Variants in CNTNAP2 observed in about 807,000 individuals in gnomAD.
CNTNAP2 encodes contactin-associated protein-like 2.
A neutral mutation model predicts 155.2 loss-of-function variants in CNTNAP2; 98 were observed. The observed-to-expected ratio is 0.63, with a 90% CI of 0.54 to 0.75. CNTNAP2 has a LOEUF of 0.75. Ranked by LOEUF, CNTNAP2 falls within the 30% of genes least tolerant of loss-of-function variation. The pLI is 0.00. For synonymous variants in CNTNAP2, 651 were observed against 631.2 expected, an observed-to-expected ratio of 1.03 and a Z score of -0.47; for missense variants, 1,727 against 1,688.1, an observed-to-expected ratio of 1.02 and a Z score of -0.40.
chr7:146,850,396 G>C (rs1222599517), intron 3 of CNTNAP2, among the ~76,000 whole-genome samples: 1 of 152,166 alleles, frequency 6.6e-6, no homozygotes, highest in Non-Finnish European at 1.5e-5. Context: ...GAAGATGTCT[G>C]TGAAAACTCC....
At chr7:147,223,397 C>G (rs909723844) in intron 8 of CNTNAP2, among the ~76,000 whole-genome samples, 2 of 152,158 alleles carry the variant, frequency 1.3e-5, no homozygotes, top group Non-Finnish European at 2.9e-5. Context: ...CATGACAAAG[C>G]TGTCCCCCAA....
intron 13 of CNTNAP2, among the ~76,000 whole-genome samples, chr7:147,851,746 A>G (rs1487330025): frequency 7.9e-6 from 1 of 126,274 alleles, no homozygotes; most frequent in African/African-American, 3.0e-5. Flanking sequence ...AACATCACAC[A>G]CCAAGGCCTG....
At chr7:147,128,046 A>G (rs1801276222) in intron 6 of CNTNAP2, among the ~76,000 whole-genome samples, 1 of 152,038 alleles carries the variant, frequency 6.6e-6, no homozygotes, top group Admixed American at 6.6e-5. Flanking sequence ...AGTAAGTAGC[A>G]TTGTCTTATT....
intron 1 of CNTNAP2, among the ~76,000 whole-genome samples, chr7:146,721,022 T>TTC (rs1554472269): frequency 6.6e-5 from 8 of 120,432 alleles, no homozygotes; most frequent in African/African-American, 2.1e-4. Flanking sequence ...ACTCTATATA[T>TTC]TATATATACT....
chr7:146,380,858 C>G (rs1468271361), intron 1 of CNTNAP2, among the ~76,000 whole-genome samples: 1 of 125,968 alleles, frequency 7.9e-6, no homozygotes, highest in African/African-American at 3.1e-5. Context: ...AGTGCAGTGG[C>G]GCAATCTCGG....
At chr7:146,785,857 T>C (rs976734590) in intron 2 of CNTNAP2, among the ~76,000 whole-genome samples, 3 of 152,226 alleles carry the variant, frequency 2.0e-5, no homozygotes, top group Non-Finnish European at 2.9e-5. Flanking sequence ...TCTCAAGATA[T>C]TATTTCACAT....
At chr7:148,313,009 T>A (rs1797621995) in intron 21 of CNTNAP2, among the ~76,000 whole-genome samples, 1 of 151,704 alleles carries the variant, frequency 6.6e-6, no homozygotes, top group South Asian at 2.1e-4. Context: ...GATAATTTAG[T>A]TAAAGTGTCT....
chr7:147,604,658 G>A (rs1391684129), intron 12 of CNTNAP2, among the ~76,000 whole-genome samples: 2 of 152,128 alleles, frequency 1.3e-5, no homozygotes, highest in African/African-American at 4.8e-5. Context: ...GTTTTAGAAG[G>A]GGAGATGCCA....
intron 1 of CNTNAP2, among the ~76,000 whole-genome samples, chr7:146,747,670 A>T (rs1197837195): frequency 6.6e-6 from 1 of 152,178 alleles, no homozygotes; most frequent in East Asian, 1.9e-4. Context: ...TACTTAAAAC[A>T]TTAGTTAGGG....
intron 12 of CNTNAP2, among the ~76,000 whole-genome samples, chr7:147,597,983 C>G (rs890681185): frequency 2.0e-5 from 3 of 152,166 alleles, no homozygotes; most frequent in African/African-American, 7.2e-5. Context: ...GTCAGGCAAA[C>G]ACTGGGGTTG....
At chr7:147,053,076 T>A (rs1799500664) in intron 4 of CNTNAP2, among the ~76,000 whole-genome samples, 1 of 152,108 alleles carries the variant, frequency 6.6e-6, no homozygotes. Context: ...TTTGAGATAA[T>A]GACTTCCTGG....
intron 18 of CNTNAP2, among the ~76,000 whole-genome samples, chr7:148,202,979 C>T (rs764845048): frequency 6.6e-5 from 10 of 152,114 alleles, no homozygotes; most frequent in Non-Finnish European, 1.3e-4. Flanking sequence ...TTGATGACAA[C>T]CTCATTTTCA....
chr7:147,221,015 C>A (rs1304846520), intron 8 of CNTNAP2, among the ~76,000 whole-genome samples: 1 of 151,964 alleles, frequency 6.6e-6, no homozygotes, highest in African/African-American at 2.4e-5. Flanking sequence ...CCTGGCCACA[C>A]TTCTTTTTAA....
At chr7:146,979,196 C>A (rs1797969468) in intron 3 of CNTNAP2, among the ~76,000 whole-genome samples, 1 of 152,116 alleles carries the variant, frequency 6.6e-6, no homozygotes, top group South Asian at 2.1e-4. Flanking sequence ...AAATGTTGCC[C>A]TGTGTATTTA....
At chr7:146,977,232 CA>C (rs1370998183) in intron 3 of CNTNAP2, among the ~76,000 whole-genome samples, 1 of 152,080 alleles carries the variant, frequency 6.6e-6, no homozygotes, top group African/African-American at 2.4e-5. Context: ...AATAATACTT[CA>C]ATCATTCTTC....
intron 1 of CNTNAP2, among the ~76,000 whole-genome samples, chr7:146,522,492 A>C (rs1797629504): frequency 6.6e-6 from 1 of 152,010 alleles, no homozygotes; most frequent in African/African-American, 2.4e-5. Context: ...AAATAGCAGA[A>C]ATGTTCTTTG....
At chr7:146,650,288 C>G (rs188162100) in intron 1 of CNTNAP2, among the ~76,000 whole-genome samples, 69 of 152,186 alleles carry the variant, frequency 4.5e-4, no homozygotes, top group Non-Finnish European at 8.1e-4. Flanking sequence ...AAGACTTGGA[C>G]CAACCCAAAT....
intron 3 of CNTNAP2, among the ~76,000 whole-genome samples, chr7:147,036,105 A>G (rs1042504689): frequency 8.5e-5 from 13 of 152,200 alleles, no homozygotes; most frequent in African/African-American, 3.1e-4. Context: ...AGCCCATGGG[A>G]CAAATCTTGT....
chr7:147,173,601 T>C (rs1584771386), intron 8 of CNTNAP2, among the ~76,000 whole-genome samples: 1 of 152,210 alleles, frequency 6.6e-6, no homozygotes, highest in Non-Finnish European at 1.5e-5. Flanking sequence ...TTTCGTCTAC[T>C]GACCCCCACT....
Sources: gnomAD v4.1 joint callset for allele counts (sites outside exome capture counted in the v4.1 genomes callset) on GRCh38, gnomAD v4.1.1 for gene constraint, MANE v1.5 for transcripts, NCBI Gene and HGNC (gene_info 2026-07-23, HGNC 2026-07-21) for gene names.